LRRTM4: variants seen among roughly 807,000 people sequenced by gnomAD.
LRRTM4 encodes the protein leucine-rich repeat transmembrane neuronal protein 4.
LRRTM4 carries 25 observed loss-of-function variants against 47.6 expected under a neutral mutation model. The ratio of observed to expected loss-of-function variants is 0.53; its 90% CI spans 0.38 to 0.73. The LOEUF is 0.73. Among genes scored for constraint, LRRTM4 ranks in the 30% least tolerant of loss-of-function variants. The probability of loss-of-function intolerance (pLI) is 0.00; values close to 1 mark genes in which losing one functional copy is unlikely to be tolerated. For missense variants in LRRTM4, 638 were observed against 713.4 expected (o/e 0.89, Z 1.20); for synonymous variants, 311 against 269.5 (o/e 1.15, Z -1.51).
intron 3 of LRRTM4, among the ~76,000 whole-genome samples, chr2:76,783,625 T>G (rs1455672617): frequency 1.3e-5 from 2 of 152,104 alleles, no homozygotes; most frequent in African/African-American, 2.4e-5. Flanking sequence ...TCTCTGAAAC[T>G]AAACAAGGAA....
intron 3 of LRRTM4, among the ~76,000 whole-genome samples, chr2:76,904,696 A>G (rs1673761299): frequency 6.6e-6 from 1 of 152,222 alleles, no homozygotes. Flanking sequence ...CTTTGAAGTC[A>G]GCAAACTGAC....
chr2:77,400,157 C>T (rs140191205), intron 3 of LRRTM4, among the ~76,000 whole-genome samples: 5 of 151,824 alleles, frequency 3.3e-5, no homozygotes, highest in African/African-American at 1.2e-4. Flanking sequence ...TCTTTCTGTG[C>T]CCAGCTTATT....
chr2:77,442,443 C>A (rs563838447), intron 3 of LRRTM4, among the ~76,000 whole-genome samples: 1 of 152,198 alleles, frequency 6.6e-6, no homozygotes, highest in Non-Finnish European at 1.5e-5. Context: ...TTATATAGTG[C>A]AATTCAAAAC....
chr2:77,444,055 C>T (rs964871818), intron 3 of LRRTM4, among the ~76,000 whole-genome samples: 1 of 152,074 alleles, frequency 6.6e-6, no homozygotes, highest in African/African-American at 2.4e-5. Context: ...CGTGTGAAGG[C>T]CTCTTAAACA....
At chr2:76,811,690 A>C (rs1670738890) in intron 3 of LRRTM4, among the ~76,000 whole-genome samples, 1 of 152,164 alleles carries the variant, frequency 6.6e-6, no homozygotes, top group Non-Finnish European at 1.5e-5. Context: ...TGTATGTATG[A>C]CTTGTGCACC....
At chr2:76,988,283 A>C (rs779563840) in intron 3 of LRRTM4, among the ~76,000 whole-genome samples, 1 of 151,872 alleles carries the variant, frequency 6.6e-6, no homozygotes, top group Non-Finnish European at 1.5e-5. Context: ...AAGCACAAGG[A>C]AAGAAAAGAG....
At chr2:76,806,609 AC>A (rs1225050927) in intron 3 of LRRTM4, among the ~76,000 whole-genome samples, 7 of 150,786 alleles carry the variant, frequency 4.6e-5, no homozygotes, top group Non-Finnish European at 8.8e-5. Context: ...AAGAAAAAAA[AC>A]ATATTTATAA....
At chr2:77,242,382 A>G (rs1433435969) in intron 3 of LRRTM4, among the ~76,000 whole-genome samples, 1 of 152,176 alleles carries the variant, frequency 6.6e-6, no homozygotes, top group African/African-American at 2.4e-5. Flanking sequence ...TGAAAATGCA[A>G]CCATCCAAAT....
At chr2:76,886,165 C>T (rs1237098746) in intron 3 of LRRTM4, among the ~76,000 whole-genome samples, 1 of 152,054 alleles carries the variant, frequency 6.6e-6, no homozygotes, top group Non-Finnish European at 1.5e-5. Flanking sequence ...AAAAGCATTA[C>T]AAAATTTAAA....
In LRRTM4 at chr2:77,519,785, C is replaced by T. The variant is rs1679406807; in HGVS notation, c.84G>A (p.Thr28=). The T allele has an allele frequency of 2.5e-6, 4 of 1,613,014 alleles. No individual in the cohort carries two copies. Among genetic ancestry groups the T allele is most frequent in the East Asian group, 2.2e-5 (1 of 44,782 alleles). Residue 28 remains threonine, a synonymous_variant, in exon 3 of 4, where the codon ACG becomes ACA. Coordinates refer to ENST00000409884, the MANE Select transcript of LRRTM4 (RefSeq NM_001134745.3). This position sits in a 1 kb window ranked among gnomAD's most constrained non-coding sequence, Gnocchi z 4.6. ...TCTTTGGGCAAGCTCTCTGAGCACC[C>T]GTGAGCATAACAAGCAGCAGTGTAG... ...LLPTLLLVML[T]GAQRACPKNC...
At chr2:77,241,716 A>T (rs1558649101) in intron 3 of LRRTM4, among the ~76,000 whole-genome samples, 1 of 152,092 alleles carries the variant, frequency 6.6e-6, no homozygotes, top group African/African-American at 2.4e-5. Flanking sequence ...TAATATATTC[A>T]CTTTATTGAG....
At chr2:76,878,355 C>T (rs1184175316) in intron 3 of LRRTM4, among the ~76,000 whole-genome samples, 1 of 152,026 alleles carries the variant, frequency 6.6e-6, no homozygotes, top group Non-Finnish European at 1.5e-5. Context: ...GAATTAATAA[C>T]CCTATAATGT....
intron 3 of LRRTM4, among the ~76,000 whole-genome samples, chr2:76,805,949 A>C (rs1675943023): frequency 6.6e-6 from 1 of 151,976 alleles, no homozygotes; most frequent in South Asian, 2.1e-4. Context: ...GTCTCACCTG[A>C]TTTCTATCTC....
chr2:77,393,340 C>T (rs1171570227), intron 3 of LRRTM4, among the ~76,000 whole-genome samples: 3 of 151,786 alleles, frequency 2.0e-5, no homozygotes, highest in East Asian at 3.9e-4. Flanking sequence ...CAGTCCTATT[C>T]GACAACTGTT....
At chr2:76,794,294 A>G (rs1440613798) in intron 3 of LRRTM4, among the ~76,000 whole-genome samples, 2 of 152,196 alleles carry the variant, frequency 1.3e-5, no homozygotes, top group African/African-American at 4.8e-5. Context: ...ATCGGAGATA[A>G]CAAATATCTG....
intron 3 of LRRTM4, among the ~76,000 whole-genome samples, chr2:76,817,820 C>A (rs76916260): frequency 7.2e-5 from 11 of 151,892 alleles, no homozygotes; most frequent in African/African-American, 1.9e-4. Context: ...ATCTGGGCTG[C>A]AGAGTAATGT....
intron 3 of LRRTM4, among the ~76,000 whole-genome samples, chr2:77,370,096 G>A (rs1472011964): frequency 6.6e-6 from 1 of 151,662 alleles, no homozygotes; most frequent in African/African-American, 2.4e-5. Context: ...GGAAAAGTCT[G>A]ACTCGGGGAA....
chr2:76,827,004 CG>C (rs1236367496), intron 3 of LRRTM4, among the ~76,000 whole-genome samples: 3 of 151,850 alleles, frequency 2.0e-5, no homozygotes, highest in Non-Finnish European at 2.9e-5. Context: ...CCCTTGTGCA[CG>C]TCCTTCTCGT....
chr2:77,356,189 TACTC>T (rs549457450), intron 3 of LRRTM4, among the ~76,000 whole-genome samples: 285 of 152,314 alleles, frequency 1.9e-3, no homozygotes, highest in Admixed American at 2.8e-3. Flanking sequence ...TTAAAGATCT[TACTC>T]AGAACAGTAA....
Sources: allele counts gnomAD v4.1 joint callset (sites outside exome capture counted in the v4.1 genomes callset), GRCh38; gene constraint gnomAD v4.1.1; non-coding constraint Gnocchi (gnomAD v3.1); transcripts MANE v1.5; gene names NCBI Gene and HGNC (gene_info 2026-07-23, HGNC 2026-07-21).